The following STRN variants were observed in gnomAD, a reference collection of about 807,000 sequenced individuals.
STRN encodes the protein striatin.
Under a neutral mutation model 96.3 loss-of-function variants are expected in STRN, and 53 were observed. The ratio of observed to expected loss-of-function variants is 0.55; its 90% CI spans 0.44 to 0.69. STRN has a LOEUF of 0.69. Among genes scored for constraint, STRN ranks in the 30% least tolerant of loss-of-function variants. The pLI is 0.00. For synonymous variants in STRN, 428 were observed against 355.9 expected (o/e 1.20, Z -2.28); for missense variants, 987 against 963.9 (o/e 1.02, Z -0.32).
chr2:36,884,387 A>G (rs1043029596), intron 8 of STRN, among the ~76,000 whole-genome samples: 1 of 152,208 alleles, frequency 6.6e-6, no homozygotes, highest in African/African-American at 2.4e-5. Context: ...GCAGCCAGAT[A>G]CAGATTGTGA....
At chr2:36,856,274 T>A (rs1370659655) in intron 14 of STRN, among the ~76,000 whole-genome samples, 1 of 152,152 alleles carries the variant, frequency 6.6e-6, no homozygotes, top group Non-Finnish European at 1.5e-5. Flanking sequence ...TGACTTCACA[T>A]AAAGTAAAAT....
At chr2:36,937,645 A>G (rs1670739261) in intron 1 of STRN, among the ~76,000 whole-genome samples, 1 of 151,718 alleles carries the variant, frequency 6.6e-6, no homozygotes, top group Admixed American at 6.6e-5. Flanking sequence ...CTGCACTTCA[A>G]CCTGGGCTAC....
chr2:36,869,738 G>A lies in STRN; in HGVS notation c.1324-9C>T, dbSNP rs1315730108. 3.2e-6 allele frequency: 5 copies of A among 1,564,304 alleles called. No individual in the cohort carries two copies. The highest frequency in any genetic ancestry group is 4.3e-6 in the Non-Finnish European group (5 of 1,156,532). On this transcript the variant is annotated splice_polypyrimidine_tract_variant and intron_variant, in intron 10 of 17. Coordinates refer to ENST00000263918, the MANE Select transcript of STRN (RefSeq NM_003162.4). ...TCTTTATTGTTTGCTATCTATTAAAGAAACAAAACAAAGATATCTACACAC... is the reference window on the plus strand; with the variant it reads ...TCTTTATTGTTTGCTATCTATTAAAAAAACAAAACAAAGATATCTACACAC...
chr2:36,914,125 G>C (rs978431272), intron 3 of STRN, among the ~76,000 whole-genome samples: 1 of 152,072 alleles, frequency 6.6e-6, no homozygotes, highest in Non-Finnish European at 1.5e-5. Flanking sequence ...CAGTAGCTAG[G>C]ACTACAGACA....
intron 6 of STRN, among the ~76,000 whole-genome samples, chr2:36,895,338 A>AG (rs1285384700): frequency 2.0e-5 from 3 of 152,062 alleles, no homozygotes; most frequent in African/African-American, 7.2e-5. Flanking sequence ...AAAAAAAAAA[A>AG]ACACAATTGG....
At chr2:36,902,912 A>G (rs1289430598) in intron 4 of STRN, 161 bp from the exon 5 acceptor site, 1 of 479,186 alleles carries the variant, frequency 2.1e-6, no homozygotes, top group Non-Finnish European at 3.4e-6. Flanking sequence ...CCAGCTGCAG[A>G]TGGAGCTGTC....
chr2:36,874,531 A>T (rs13432091), intron 10 of STRN, among the ~76,000 whole-genome samples: 1 of 152,126 alleles, frequency 6.6e-6, no homozygotes, highest in Non-Finnish European at 1.5e-5. Context: ...AAATACATCA[A>T]GCCATAAAGA....
rs1008771268 is a variant in STRN at position 36,915,981 on chromosome 2, A to T, written c.412+97T>A. ...AGGTCAGAAAAAATAACTAATACAC[A>T]AATAATTAGAAAGTAACTTACAGTT... On this transcript the variant is annotated intron_variant, in intron 3 of 17. Transcript: ENST00000263918. The T allele has an allele frequency of 4.5e-6, 5 of 1,112,924 alleles. No homozygotes were observed. In the Admixed American group the frequency reaches 1.1e-4, roughly 24 times the overall value. The allele number at this position is 1,112,924 out of a possible 1,614,324, so 68.9% of individuals were successfully genotyped here. A position where few individuals can be genotyped will look rare whatever the true frequency, so the allele number is the denominator to read the frequency against.
chr2:36,857,714 A>T, intron 14 of STRN, 142 bp downstream of exon 14: 1 of 690,024 alleles, frequency 1.4e-6, no homozygotes, highest in Non-Finnish European at 2.2e-6. Flanking sequence ...ATAGGTTGGA[A>T]ATTCAAACAA....
intron 3 of STRN, among the ~76,000 whole-genome samples, chr2:36,915,175 T>C (rs1670059953): frequency 7.5e-6 from 1 of 133,906 alleles, no homozygotes; most frequent in African/African-American, 2.7e-5. Context: ...CCAGGCTGGG[T>C]GACAGAGCAA....
intron 1 of STRN, among the ~76,000 whole-genome samples, chr2:36,938,530 C>A (rs1278560239): frequency 2.6e-5 from 4 of 152,038 alleles, no homozygotes; most frequent in Admixed American, 6.6e-5. Context: ...TGAATTCCAG[C>A]TTTGTCACTT....
chr2:36,899,398 T>C, intron 6 of STRN, 125 bp downstream of exon 6: 1 of 877,534 alleles, frequency 1.1e-6, no homozygotes, highest in Non-Finnish European at 1.6e-6. Flanking sequence ...CTCATAAATG[T>C]CTCCAAATTC....
chr2:36,963,357 A>T (rs1665075118), intron 1 of STRN, among the ~76,000 whole-genome samples: 1 of 152,224 alleles, frequency 6.6e-6, no homozygotes, highest in South Asian at 2.1e-4. Flanking sequence ...GCTTAGGAAG[A>T]GATTTAAAAA....
Position 36,957,742 on chromosome 2 carries a change from GTCTTTTTTTTT to G in STRN, c.234+8477_234+8487del, listed in dbSNP as rs1664926052. Among the ~76,000 whole-genome samples, 4 of 103,132 alleles carry G rather than the reference GTCTTTTTTTTT, an allele frequency of 3.9e-5. 1 individual carries two copies. Among genetic ancestry groups the G allele is most frequent in the Admixed American group, 2.1e-4 (2 of 9,324 alleles). The allele number at this position is 103,132 out of a possible 152,430, so 67.7% of individuals were successfully genotyped here. On this transcript the variant is annotated intron_variant, in intron 1 of 17. Coordinates refer to ENST00000263918, the MANE Select transcript of STRN (RefSeq NM_003162.4). ...GATTAGTCTCATAGTTCTTCTTTTT[GTCTTTTTTTTT>G]TTTTTTTTTTTTTTTTTTTGAGGTG...
At chr2:36,886,144 T>A (rs1024756947) in intron 8 of STRN, among the ~76,000 whole-genome samples, 3 of 152,164 alleles carry the variant, frequency 2.0e-5, no homozygotes, top group African/African-American at 7.2e-5. Flanking sequence ...TTGGTAATAA[T>A]GTTATAAGTA....
rs955983611 is a variant in STRN at position 36,869,409 on chromosome 2, T to TG, written c.1499+144dup. The TG allele has an allele frequency of 4.8e-6, 4 of 828,028 alleles. No individual in the cohort carries two copies. In the African/African-American group the frequency reaches 7.1e-5, roughly 15 times the overall value. The allele number at this position is 828,028 out of a possible 1,614,324, so 51.3% of individuals were successfully genotyped here. ...CTAACCTAGCATTAGGTTGTATAAA[T>TG]GGAAAAACACAATAAATTACATGAC... is the stretch of plus-strand genomic sequence containing the variant. On this transcript the variant is annotated intron_variant, in intron 11 of 17. Coordinates refer to ENST00000263918, the MANE Select transcript of STRN (RefSeq NM_003162.4).
chr2:36,901,702 GTA>G (rs1669688680), intron 5 of STRN, among the ~76,000 whole-genome samples: 1 of 152,030 alleles, frequency 6.6e-6, no homozygotes, highest in South Asian at 2.1e-4. Context: ...ATAAGTTAAT[GTA>G]TGTTTTTAAT....
intron 2 of STRN, among the ~76,000 whole-genome samples, chr2:36,923,445 CAAAAAAAA>C: frequency 1.7e-5 from 1 of 58,518 alleles, no homozygotes; most frequent in South Asian, 5.8e-4. Flanking sequence ...AGCAGGACTC[CAAAAAAAA>C]AAAAAAAAAA....
intron 1 of STRN, among the ~76,000 whole-genome samples, chr2:36,935,022 G>T (rs1245692399): frequency 1.3e-5 from 2 of 152,134 alleles, no homozygotes; most frequent in East Asian, 1.9e-4. Context: ...AGGTTGCAGT[G>T]AACTGAGACT....
Sources: allele counts gnomAD v4.1 joint callset (sites outside exome capture counted in the v4.1 genomes callset), GRCh38; gene constraint gnomAD v4.1.1; transcripts MANE v1.5; gene names NCBI Gene and HGNC (gene_info 2026-07-23, HGNC 2026-07-21).